TMEM165: variants seen among roughly 807,000 people sequenced by gnomAD.
TMEM165 encodes putative divalent cation/proton antiporter TMEM165.
A neutral mutation model predicts 30.0 loss-of-function variants in TMEM165; 19 were observed. The observed-to-expected ratio is 0.63, with a 90% confidence interval of 0.44 to 0.93. The LOEUF (loss-of-function observed/expected upper bound fraction) is 0.93, where lower values mean the gene tolerates loss of function less well. TMEM165 is among the 40% of genes least tolerant of loss of function. The pLI, the probability that TMEM165 is intolerant of heterozygous loss-of-function variation, is 0.00. For missense variants in TMEM165, 340 were observed against 417.0 expected, an observed-to-expected ratio of 0.82 and a Z score of 1.61; for synonymous variants, 168 against 162.9, an observed-to-expected ratio of 1.03 and a Z score of -0.24.
chr4:55,420,215 T>C (rs527668763), intron 4 of TMEM165, among the ~76,000 whole-genome samples: 25 of 148,318 alleles, frequency 1.7e-4, no homozygotes, highest in African/African-American at 5.9e-4. Context: ...GGCTCTCAGA[T>C]TGCCAGAGTT....
At chr4:55,420,691 C>G (rs1215195911) in intron 4 of TMEM165, among the ~76,000 whole-genome samples, 1 of 152,046 alleles carries the variant, frequency 6.6e-6, no homozygotes, top group African/African-American at 2.4e-5. Context: ...GGTAATTTTT[C>G]TTATGAACCA....
intron 4 of TMEM165, among the ~76,000 whole-genome samples, chr4:55,418,320 A>C (rs540777727): frequency 6.6e-6 from 1 of 152,138 alleles, no homozygotes; most frequent in Non-Finnish European, 1.5e-5. Context: ...AATCAGTATA[A>C]TATTATTGAA....
At chr4:55,445,968 A>G (rs1001793031) in intron 3 of TMEM165, among the ~76,000 whole-genome samples, 4 of 151,654 alleles carry the variant, frequency 2.6e-5, no homozygotes, top group Admixed American at 2.6e-4. Context: ...ATAATTTTTT[A>G]TATTATTCCT....
At chr4:55,417,041 A>G in intron 2 of TMEM165, 31 bp from the exon 3 acceptor site, 1 of 1,549,744 alleles carries the variant, frequency 6.5e-7, no homozygotes, top group South Asian at 1.2e-5. Flanking sequence ...TACACACTCG[A>G]TTAACAAACA....
At chr4:55,449,932 T>G (rs1175003962) in intron 3 of TMEM165, among the ~76,000 whole-genome samples, 1 of 152,204 alleles carries the variant, frequency 6.6e-6, no homozygotes, top group Non-Finnish European at 1.5e-5. Context: ...TTGCTGAAAG[T>G]GGGCAATGTC....
In TMEM165 at chr4:55,435,578, T is replaced by C. The variant is rs985781999; in HGVS notation, c.408+10935T>C. 4 of 1,613,812 alleles carry C rather than the reference T, an allele frequency of 2.5e-6. No homozygotes were observed. The African/African-American group carries it at 5.3e-5, about 22-fold the overall frequency. ...AATGAGTTGAGTTGAGGGATTCCCA[T>C]GGAGCAACCTAGAAGTCTAAAAAAC... On this transcript the variant is annotated intron_variant, in intron 3 of 3. Transcript: ENST00000608091.
chr4:55,419,292 A>G (rs1721868573), intron 4 of TMEM165, among the ~76,000 whole-genome samples: 1 of 152,144 alleles, frequency 6.6e-6, no homozygotes, highest in Non-Finnish European at 1.5e-5. Flanking sequence ...GCTCTGGCCT[A>G]GGTGACTTGT....
chr4:55,417,366 T>A, intron 3 of TMEM165, 119 bp downstream of exon 3: 1 of 1,009,552 alleles, frequency 9.9e-7, no homozygotes, highest in African/African-American at 1.6e-5. Flanking sequence ...AAATAGCTTC[T>A]TTTGCTTTGT....
chr4:55,438,433 G>A, intron 3 of TMEM165: 2 of 1,613,924 alleles, frequency 1.2e-6, no homozygotes, highest in Non-Finnish European at 1.7e-6. Flanking sequence ...AGTAGGATAT[G>A]CAGTCACCAC....
chr4:55,406,462 GGTGTGTATTTATGATACTT>G, intron 1 of TMEM165, among the ~76,000 whole-genome samples: 1 of 152,074 alleles, frequency 6.6e-6, no homozygotes, highest in Admixed American at 6.5e-5. Context: ...CTTGAGACGT[GGTGTGTATTTATGATACTT>G]ACACCATCCA....
chr4:55,420,139 T>A (rs2056465), intron 4 of TMEM165, among the ~76,000 whole-genome samples: 12,153 of 48,048 alleles, frequency 0.25, 2,726 homozygotes, highest in East Asian at 0.5. Flanking sequence ...ATTTATTTAT[T>A]TATTTATTTT....
At chr4:55,442,052 T>C (rs1369427426) in intron 3 of TMEM165, among the ~76,000 whole-genome samples, 1 of 152,186 alleles carries the variant, frequency 6.6e-6, no homozygotes, top group Non-Finnish European at 1.5e-5. Flanking sequence ...TTTTGAGCAT[T>C]TAACAAACTT....
At chr4:55,408,857 A>G (rs1046345894) in intron 1 of TMEM165, among the ~76,000 whole-genome samples, 1 of 152,018 alleles carries the variant, frequency 6.6e-6, no homozygotes, top group Non-Finnish European at 1.5e-5. Flanking sequence ...GAAATTTTAT[A>G]CAAACCTTTA....
At chr4:55,420,561 A>G (rs547712872) in intron 4 of TMEM165, among the ~76,000 whole-genome samples, 8 of 152,096 alleles carry the variant, frequency 5.3e-5, no homozygotes, top group Non-Finnish European at 7.4e-5. Context: ...GGTCCCCCAC[A>G]TGGCACATTC....
chr4:55,416,904 T>C (rs1358915486), intron 2 of TMEM165, 168 bp from the exon 3 acceptor site: 1 of 556,656 alleles, frequency 1.8e-6, no homozygotes, highest in Non-Finnish European at 3.0e-6. Context: ...TGGTTTATTA[T>C]TGGTGGAGAG....
At chr4:55,414,342 T>G (rs185287571) in intron 2 of TMEM165, among the ~76,000 whole-genome samples, 1 of 152,214 alleles carries the variant, frequency 6.6e-6, no homozygotes, top group African/African-American at 2.4e-5. Context: ...TTTAAGTGGG[T>G]TTAACAGTCT....
At chr4:55,438,655 C>G in intron 3 of TMEM165, 1 of 1,475,410 alleles carries the variant, frequency 6.8e-7, no homozygotes, top group Non-Finnish European at 9.3e-7. Context: ...GTTTGTTTTT[C>G]AAGGTCTGTA....
At chr4:55,403,044 C>T (rs547360183) in intron 1 of TMEM165, among the ~76,000 whole-genome samples, 1 of 152,080 alleles carries the variant, frequency 6.6e-6, no homozygotes, top group South Asian at 2.1e-4. Flanking sequence ...CCCGCCTGGG[C>T]CTCCCAAAGT....
rs56157186 is a variant in TMEM165, at chr4:55,445,582, C to CTTTT, written c.409-6634_409-6631dup. The stretch of plus-strand genomic sequence containing the variant: ...TCTCTGCATCTGCTATTTCTATATT[C>CTTTT]TTTTTTTTTTTTTTTTTTTTTTTTT... On this transcript the variant is annotated intron_variant, in intron 3 of 3. Transcript: ENST00000608091. Among the ~76,000 whole-genome samples, 39 of 68,592 alleles carry CTTTT rather than the reference C, an allele frequency of 5.7e-4. 6 individuals carry two copies. The highest frequency in any genetic ancestry group is 1.2e-3 in the African/African-American group (22 of 18,616). 45.0% of individuals were successfully genotyped at this position (68,592 alleles called of 152,430 possible). A position where few individuals can be genotyped will look rare whatever the true frequency, so the allele number is the denominator to read the frequency against.
Sources: allele counts gnomAD v4.1 joint callset (sites outside exome capture counted in the v4.1 genomes callset), GRCh38; gene constraint gnomAD v4.1.1; transcripts MANE v1.5; gene names NCBI Gene and HGNC (gene_info 2026-07-23, HGNC 2026-07-21).